Variants in SPOCK1 observed in about 807,000 individuals in gnomAD.
SPOCK1 encodes the protein SPARC (osteonectin), cwcv and kazal like domains proteoglycan 1, also known as testican-1.
A neutral mutation model predicts 55.3 loss-of-function variants in SPOCK1; 23 were observed. The observed-to-expected ratio is 0.42, with a 90% CI of 0.30 to 0.59. The LOEUF is 0.59. Ranked by LOEUF, SPOCK1 falls within the 20% of genes least tolerant of loss-of-function variation. The probability of loss-of-function intolerance (pLI) is 0.22; values close to 1 mark genes in which losing one functional copy is unlikely to be tolerated. For missense variants in SPOCK1, 499 were observed against 552.5 expected, an observed-to-expected ratio of 0.90 and a Z score of 0.97; for synonymous variants, 226 against 221.0, an observed-to-expected ratio of 1.02 and a Z score of -0.20.
chr5:137,330,013 T>C (rs746300758), intron 2 of SPOCK1, among the ~76,000 whole-genome samples: 2 of 152,174 alleles, frequency 1.3e-5, no homozygotes, highest in East Asian at 3.8e-4. Context: ...CATTATTATA[T>C]GTCCCATGGG....
intron 2 of SPOCK1, among the ~76,000 whole-genome samples, chr5:137,478,175 G>A (rs549036088): frequency 2.6e-5 from 4 of 152,322 alleles, no homozygotes; most frequent in African/African-American, 9.6e-5. Flanking sequence ...GTGTACACAT[G>A]CATGGGAGGA....
chr5:137,043,747 A>G lies in SPOCK1; in HGVS notation c.589+23968T>C, dbSNP rs571036356. Among the ~76,000 whole-genome samples the G allele has an allele frequency of 7.2e-5, 11 of 152,310 alleles. No homozygotes were observed. The South Asian group carries it at 2.3e-3, about 32-fold the overall frequency. ...AGAAAATACCTGACCAGTACTCAGA[A>G]CTTTCAAGGTCATCCAAAATGAGGA... On this transcript the variant is annotated intron_variant, in intron 6 of 10. Transcript: ENST00000394945.
intron 4 of SPOCK1, among the ~76,000 whole-genome samples, 189 bp downstream of exon 4, chr5:137,140,391 T>C (rs1754071405): frequency 6.6e-6 from 1 of 152,234 alleles, no homozygotes. Context: ...ATGGACATTC[T>C]TTGTAAACCT....
chr5:137,112,028 C>G (rs754611130), intron 5 of SPOCK1, among the ~76,000 whole-genome samples: 2 of 152,086 alleles, frequency 1.3e-5, no homozygotes, highest in Non-Finnish European at 2.9e-5. Flanking sequence ...TAGGTGTGCA[C>G]TGATGTCACA....
intron 2 of SPOCK1, among the ~76,000 whole-genome samples, chr5:137,455,697 T>C (rs1474429708): frequency 6.6e-6 from 1 of 152,082 alleles, no homozygotes; most frequent in Non-Finnish European, 1.5e-5. Context: ...AATGGAATCA[T>C]TCCTTCCTGT....
chr5:136,987,482 G>C (rs1406573557), intron 8 of SPOCK1, among the ~76,000 whole-genome samples: 2 of 152,150 alleles, frequency 1.3e-5, no homozygotes, highest in African/African-American at 4.8e-5. Flanking sequence ...TATCTTTGGT[G>C]AAAGTAAAAA....
chr5:137,424,789 C>T (rs2141482), intron 2 of SPOCK1, among the ~76,000 whole-genome samples: 7,296 of 152,224 alleles, frequency 0.048, 257 homozygotes, highest in African/African-American at 0.095. Context: ...AATTTATCTA[C>T]GGTGACAGAA....
chr5:137,395,106 T>C (rs1288632522), intron 2 of SPOCK1, among the ~76,000 whole-genome samples: 3 of 152,326 alleles, frequency 2.0e-5, no homozygotes, highest in Admixed American at 6.5e-5. Flanking sequence ...CTGCCCAGCA[T>C]GTGGCATGTG....
At chr5:137,073,212 C>A (rs1003053907) in intron 5 of SPOCK1, among the ~76,000 whole-genome samples, 3 of 152,150 alleles carry the variant, frequency 2.0e-5, no homozygotes, top group Non-Finnish European at 4.4e-5. Context: ...ACCAATGGGA[C>A]AAAGGCCTGT....
chr5:137,107,895 T>G (rs552007235), intron 5 of SPOCK1, among the ~76,000 whole-genome samples: 1 of 152,338 alleles, frequency 6.6e-6, no homozygotes, highest in South Asian at 2.1e-4. Context: ...TTATGTATTA[T>G]GGAGTGTGGG....
chr5:137,311,468 C>T (rs952735768), intron 2 of SPOCK1, among the ~76,000 whole-genome samples: 2 of 152,200 alleles, frequency 1.3e-5, no homozygotes, highest in African/African-American at 4.8e-5. Context: ...TAAATAATTA[C>T]AACAAGCATA....
chr5:137,030,476 C>T (rs1198413230), intron 6 of SPOCK1, among the ~76,000 whole-genome samples: 1 of 151,566 alleles, frequency 6.6e-6, no homozygotes, highest in African/African-American at 2.4e-5. Context: ...GCTTGCCAAA[C>T]AAAAAAGAAA....
At chr5:137,206,309 G>T (rs763933065) in intron 3 of SPOCK1, among the ~76,000 whole-genome samples, 4 of 152,336 alleles carry the variant, frequency 2.6e-5, no homozygotes, top group Admixed American at 6.5e-5. Context: ...AGCCTCTGGA[G>T]CTTCATGCCC....
chr5:137,356,838 T>TATATATAGAG (rs1554077335), intron 2 of SPOCK1, among the ~76,000 whole-genome samples: 5 of 5,456 alleles, frequency 9.2e-4, no homozygotes, highest in Non-Finnish European at 9.3e-4. Flanking sequence ...TATATATATA[T>TATATATAGAG]AGAGAGAGAG....
At chr5:137,093,679 G>A (rs185344231) in intron 5 of SPOCK1, among the ~76,000 whole-genome samples, 24 of 152,284 alleles carry the variant, frequency 1.6e-4, no homozygotes, top group East Asian at 1.5e-3. Context: ...ATGGGGATGC[G>A]GAGAAGGAGC....
At chr5:137,234,694 T>C (rs61059354) in intron 3 of SPOCK1, among the ~76,000 whole-genome samples, 5,538 of 152,206 alleles carry the variant, frequency 0.036, 164 homozygotes, top group East Asian at 0.13. Context: ...CCTCCTCCCC[T>C]TGAGGGTGGG....
At chr5:137,136,105 G>C (rs1561622672) in intron 4 of SPOCK1, among the ~76,000 whole-genome samples, 1 of 152,096 alleles carries the variant, frequency 6.6e-6, no homozygotes, top group Non-Finnish European at 1.5e-5. Flanking sequence ...AGTCTAATTT[G>C]TTGCTTTTCT....
intron 3 of SPOCK1, among the ~76,000 whole-genome samples, chr5:137,254,449 T>C (rs1156887373): frequency 2.0e-5 from 3 of 152,218 alleles, no homozygotes; most frequent in African/African-American, 7.2e-5. Flanking sequence ...TCTCCAAAGA[T>C]AGCTATCATA....
intron 6 of SPOCK1, among the ~76,000 whole-genome samples, chr5:137,000,208 C>A (rs1282321493): frequency 6.6e-6 from 1 of 152,164 alleles, no homozygotes; most frequent in Non-Finnish European, 1.5e-5. Context: ...TCCTTCAGCC[C>A]TCCTAGGTGC....
Sources: gnomAD v4.1 joint callset for allele counts (sites outside exome capture counted in the v4.1 genomes callset) on GRCh38, gnomAD v4.1.1 for gene constraint, MANE v1.5 for transcripts, NCBI Gene and HGNC (gene_info 2026-07-23, HGNC 2026-07-21) for gene names.